SNUPN: variants seen among roughly 807,000 people sequenced by gnomAD.
SNUPN encodes snurportin-1.
In SNUPN, 31 loss-of-function variants were observed where a neutral mutation model predicts 39.2. The observed-to-expected ratio is 0.79, with a 90% CI of 0.59 to 1.07. The LOEUF (loss-of-function observed/expected upper bound fraction) is 1.07. Among genes scored for constraint, SNUPN ranks in the 50% least tolerant of loss-of-function variants. The pLI, the probability that SNUPN is intolerant of heterozygous loss-of-function variation, is 0.00. For missense variants in SNUPN, 382 were observed against 434.2 expected, an observed-to-expected ratio of 0.88 and a Z score of 1.07; for synonymous variants, 132 against 159.0, an observed-to-expected ratio of 0.83 and a Z score of 1.28.
At position 75,598,621 on chromosome 15, in the gene SNUPN, C is replaced by T; in HGVS notation, c.820G>A (p.Val274Met). The T allele has an allele frequency of 6.2e-7, 1 of 1,613,332 alleles. No individual in the cohort carries two copies. Among genetic ancestry groups the T allele is most frequent in the Non-Finnish European group, 8.5e-7 (1 of 1,179,296 alleles). Residue 274 changes from valine (V) to methionine (M), a missense_variant, in exon 9 of 9, where the codon GTG becomes ATG. Physicochemically the swap from Val to Met is conservative, Grantham distance 21 (BLOSUM62 1). Transcript: ENST00000308588. ...ACCATGTAGGGGCGCAGCCAGCCCACCAAGGGAGTGCTTCCGGGGCTGTAG... is the reference window on the plus strand; with the variant it reads ...ACCATGTAGGGGCGCAGCCAGCCCATCAAGGGAGTGCTTCCGGGGCTGTAG... ...THYSPGSTPL[V>M]GWLRPYMVSD...
intron 6 of SNUPN, among the ~76,000 whole-genome samples, chr15:75,606,301 T>C (rs2075330621): frequency 6.6e-6 from 1 of 152,180 alleles, no homozygotes; most frequent in East Asian, 1.9e-4. Context: ...ATACCTAGTG[T>C]GTTTTGGAAA....
At chr15:75,622,980 G>GA (rs998265215) in intron 1 of SNUPN, among the ~76,000 whole-genome samples, 5 of 150,710 alleles carry the variant, frequency 3.3e-5, no homozygotes, top group African/African-American at 9.8e-5. Flanking sequence ...TCTGTAAAAA[G>GA]AAAAAAAAAT....
rs563015467 is a variant in SNUPN, at chr15:75,621,991, G to A, written c.-5-935C>T. 7.9e-5 allele frequency among the ~76,000 whole-genome samples: 12 copies of A among 152,206 alleles called. No homozygotes were observed. In the South Asian group the frequency reaches 1.0e-3, roughly 13 times the overall value. On this transcript the variant is annotated intron_variant, in intron 1 of 8. Coordinates refer to ENST00000308588, the MANE Select transcript of SNUPN (RefSeq NM_005701.4). ...GCGGAGGTTGCAGTGAGCCGAGATCGTGCCACTGCACTCCAGCCTGGGCGA... is the reference window on the plus strand; with the variant it reads ...GCGGAGGTTGCAGTGAGCCGAGATCATGCCACTGCACTCCAGCCTGGGCGA...
At chr15:75,615,898 G>C (rs1892919122) in intron 3 of SNUPN, among the ~76,000 whole-genome samples, 1 of 151,946 alleles carries the variant, frequency 6.6e-6, no homozygotes, top group Admixed American at 6.6e-5. Flanking sequence ...GTGAGCCACT[G>C]CACCTGGCCA....
chr15:75,620,008 C>G (rs1893029770), intron 2 of SNUPN, among the ~76,000 whole-genome samples: 1 of 152,172 alleles, frequency 6.6e-6, no homozygotes, highest in African/African-American at 2.4e-5. Context: ...CTCGGCCACC[C>G]AAAGTGCTGG....
At chr15:75,612,022 C>A (rs1892794576) in intron 3 of SNUPN, among the ~76,000 whole-genome samples, 1 of 133,522 alleles carries the variant, frequency 7.5e-6, no homozygotes, top group African/African-American at 2.8e-5. Context: ...CTTCTCATAA[C>A]TCTTCCTTTT....
intron 4 of SNUPN, 103 bp from the exon 5 acceptor site, chr15:75,609,754 A>G (rs1445606647): frequency 2.8e-5 from 33 of 1,161,130 alleles, no homozygotes; most frequent in Non-Finnish European, 3.5e-5. Context: ...ATGGCTCTCA[A>G]CAAACCTTCC....
intron 2 of SNUPN, among the ~76,000 whole-genome samples, chr15:75,618,372 A>G (rs1254916366): frequency 6.6e-6 from 1 of 152,054 alleles, no homozygotes; most frequent in Non-Finnish European, 1.5e-5. Flanking sequence ...TGCCCAGCTT[A>G]TACAGCTTTC....
At chr15:75,620,784 A>T in intron 2 of SNUPN, 110 bp downstream of exon 2, 1 of 970,836 alleles carries the variant, frequency 1.0e-6, no homozygotes, top group Non-Finnish European at 1.5e-6. Flanking sequence ...AGATCAGCCT[A>T]CAAAGAGTCT....
rs545853257 is a variant in SNUPN, at chr15:75,618,698, A to G, written c.159-1146T>C. ...ACATACATGTTCATGCTCATTATAA[A>G]AAGGCACACACCAGAGAGAACATAT... On this transcript the variant is annotated intron_variant, in intron 2 of 8. Coordinates refer to ENST00000308588, the MANE Select transcript of SNUPN (RefSeq NM_005701.4). Among the ~76,000 whole-genome samples, 5 of 152,304 alleles carry G rather than the reference A, an allele frequency of 3.3e-5. No individual in the cohort carries two copies. The East Asian group carries it at 9.6e-4, about 29-fold the overall frequency.
intron 6 of SNUPN, 46 bp from the exon 7 acceptor site, chr15:75,605,273 A>G (rs989732567): frequency 7.2e-7 from 1 of 1,395,228 alleles, no homozygotes; most frequent in Non-Finnish European, 1.0e-6. Context: ...TTTCCATTTC[A>G]AACTCTAATA....
At chr15:75,598,797 CA>C (rs1264142032) in intron 8 of SNUPN, 116 bp from the exon 9 acceptor site, 1 of 724,434 alleles carries the variant, frequency 1.4e-6, no homozygotes, top group East Asian at 2.6e-5. Context: ...GGGTCACTGA[CA>C]GAGGAAAGAG....
At chr15:75,620,761 C>T (rs1256440134) in intron 2 of SNUPN, 133 bp downstream of exon 2, 2 of 777,292 alleles carry the variant, frequency 2.6e-6, no homozygotes, top group Non-Finnish European at 4.1e-6. Context: ...CCCCTCCCAA[C>T]CTGTGGGCAA....
In SNUPN at chr15:75,616,494, T is replaced by C. The variant is rs558883442; in HGVS notation, c.303+914A>G. Among the ~76,000 whole-genome samples, 3 of 152,214 alleles carry C rather than the reference T, an allele frequency of 2.0e-5. No homozygotes were observed. The East Asian group carries it at 5.8e-4, about 29-fold the overall frequency. On this transcript the variant is annotated intron_variant, in intron 3 of 8. Coordinates refer to ENST00000308588, the MANE Select transcript of SNUPN (RefSeq NM_005701.4). ...AAAAAAGAGATGGGGTCTCACTATG[T>C]TAGCCAGGTTGGTCTTGAACTCCTG...
intron 3 of SNUPN, among the ~76,000 whole-genome samples, chr15:75,612,165 C>T (rs1385276863): frequency 2.0e-5 from 3 of 151,790 alleles, no homozygotes; most frequent in Admixed American, 6.6e-5. Flanking sequence ...CCCTAGTAGC[C>T]GGGACTACAG....
intron 3 of SNUPN, among the ~76,000 whole-genome samples, chr15:75,611,329 T>C (rs1159750365): frequency 6.7e-6 from 1 of 149,562 alleles, no homozygotes; most frequent in Non-Finnish European, 1.5e-5. Context: ...CTCAGCTCAC[T>C]GCAAGCTGCG....
At chr15:75,623,710 G>A (rs1298766306) in intron 1 of SNUPN, among the ~76,000 whole-genome samples, 2 of 152,110 alleles carry the variant, frequency 1.3e-5, no homozygotes, top group Non-Finnish European at 2.9e-5. Flanking sequence ...CTCCCAAAGT[G>A]CTGGAATTAC....
intron 1 of SNUPN, 95 bp from the exon 2 acceptor site, chr15:75,621,151 GA>G (rs542001197): frequency 3.5e-5 from 44 of 1,239,496 alleles, no homozygotes; most frequent in South Asian, 4.4e-5. Flanking sequence ...CCACATTCCT[GA>G]AAAAAAATTA....
intron 3 of SNUPN, among the ~76,000 whole-genome samples, chr15:75,611,784 G>A (rs1296168351): frequency 6.6e-6 from 1 of 151,882 alleles, no homozygotes; most frequent in Non-Finnish European, 1.5e-5. Flanking sequence ...GAAGCTGGGA[G>A]ATGGAGGTTG....
Sources: allele counts gnomAD v4.1 joint callset (sites outside exome capture counted in the v4.1 genomes callset), GRCh38; gene constraint gnomAD v4.1.1; transcripts MANE v1.5; gene names NCBI Gene and HGNC (gene_info 2026-07-23, HGNC 2026-07-21).